The following HS3ST4 variants were observed in gnomAD, a reference collection of about 807,000 sequenced individuals.
HS3ST4 encodes the protein heparan sulfate-glucosamine 3-sulfotransferase 4.
In HS3ST4, 17 loss-of-function variants were observed where a neutral mutation model predicts 29.2. That is an observed-to-expected ratio of 0.58 (90% CI 0.40 to 0.87). The LOEUF (loss-of-function observed/expected upper bound fraction) is 0.87, where lower values mean the gene tolerates loss of function less well. Ranked by LOEUF, HS3ST4 falls within the 40% of genes least tolerant of loss-of-function variation. HS3ST4 has a pLI of 0.00. For missense variants in HS3ST4, 627 were observed against 634.5 expected (o/e 0.99, Z 0.13); for synonymous variants, 314 against 285.7 (o/e 1.10, Z -1.00).
At chr16:25,933,266 T>C (rs1021345691) in intron 1 of HS3ST4, 13 of 449,894 alleles carry the variant, frequency 2.9e-5, no homozygotes, top group East Asian at 1.3e-4. Flanking sequence ...ACAGCCATTA[T>C]TGATTGGCTG....
intron 1 of HS3ST4, among the ~76,000 whole-genome samples, chr16:25,799,405 A>G (rs983864617): frequency 3.9e-5 from 6 of 152,228 alleles, no homozygotes; most frequent in Non-Finnish European, 8.8e-5. Context: ...CAAGTAATAT[A>G]TAATCTTCAG....
intron 1 of HS3ST4, among the ~76,000 whole-genome samples, chr16:25,698,352 G>A (rs1966313323): frequency 6.7e-6 from 1 of 148,292 alleles, no homozygotes; most frequent in Admixed American, 6.7e-5. Context: ...CCACTTGGAG[G>A]GAACAGCCAG....
At chr16:25,857,902 TCCTTCCTTCCTTCC>T (rs1967592160) in intron 1 of HS3ST4, among the ~76,000 whole-genome samples, 1 of 75,348 alleles carries the variant, frequency 1.3e-5, no homozygotes, top group Non-Finnish European at 2.8e-5. Flanking sequence ...TTTTCTTTCT[TCCTTCCTTCCTTCC>T]TTCCTTTCTT....
At position 25,820,010 on chromosome 16, in the gene HS3ST4, C is replaced by CAAAAAAAAA. The variant is rs142336784; in HGVS notation, c.734+126890_734+126898dup. On this transcript the variant is annotated intron_variant, in intron 1 of 1. Coordinates refer to ENST00000331351, the MANE Select transcript of HS3ST4 (RefSeq NM_006040.3). ...TGGGTGACAGAGTGATACTCTGTCT[C>CAAAAAAAAA]AAAAAAAAAAAAAAAAAAAAAAAAA... is the stretch of plus-strand genomic sequence containing the variant. Among the ~76,000 whole-genome samples, 31 of 46,928 alleles carry CAAAAAAAAA rather than the reference C, an allele frequency of 6.6e-4. 1 individual carries two copies. The highest frequency in any genetic ancestry group is 1.0e-3 in the South Asian group (1 of 962). The allele number at this position is 46,928 out of a possible 152,430, so 30.8% of individuals were successfully genotyped here. A position where few individuals can be genotyped will look rare whatever the true frequency, so the allele number is the denominator to read the frequency against.
At chr16:25,892,474 G>C (rs1396787085) in intron 1 of HS3ST4, among the ~76,000 whole-genome samples, 1 of 152,218 alleles carries the variant, frequency 6.6e-6, no homozygotes, top group Admixed American at 6.5e-5. Context: ...AGTGACAGAG[G>C]ACAGCAGCCT....
chr16:25,714,684 G>T (rs908416025), intron 1 of HS3ST4, among the ~76,000 whole-genome samples: 7 of 152,182 alleles, frequency 4.6e-5, no homozygotes, highest in Admixed American at 4.6e-4. Flanking sequence ...TGTTTTGTTT[G>T]CTTTGTTTTC....
chr16:26,110,256 A>G (rs998357809), intron 1 of HS3ST4, among the ~76,000 whole-genome samples: 6 of 152,168 alleles, frequency 3.9e-5, no homozygotes, highest in Admixed American at 2.6e-4. Flanking sequence ...TAATATTCCT[A>G]TATCTGTATA....
At chr16:26,077,871 G>A (rs987949904) in intron 1 of HS3ST4, among the ~76,000 whole-genome samples, 2 of 152,204 alleles carry the variant, frequency 1.3e-5, no homozygotes, top group Non-Finnish European at 2.9e-5. Context: ...AGGAGTTTGA[G>A]ACCAGCCTGG....
chr16:25,956,236 C>T (rs1300958743), intron 1 of HS3ST4, among the ~76,000 whole-genome samples: 2 of 152,212 alleles, frequency 1.3e-5, no homozygotes, highest in African/African-American at 4.8e-5. Flanking sequence ...TTTTCAAATG[C>T]CTCCATGATT....
At chr16:26,092,451 G>A (rs576889176) in intron 1 of HS3ST4, among the ~76,000 whole-genome samples, 1 of 152,292 alleles carries the variant, frequency 6.6e-6, no homozygotes, top group South Asian at 2.1e-4. Context: ...GATCTGGCAG[G>A]TGAGAGGCTC....
chr16:26,023,757 T>C (rs1596647853), intron 1 of HS3ST4, among the ~76,000 whole-genome samples: 1 of 152,242 alleles, frequency 6.6e-6, no homozygotes. Context: ...TTATCTCTGA[T>C]TTTCTGGTTG....
intron 1 of HS3ST4, among the ~76,000 whole-genome samples, chr16:25,962,256 G>A (rs1363812723): frequency 6.6e-6 from 1 of 151,990 alleles, no homozygotes; most frequent in Non-Finnish European, 1.5e-5. Context: ...TTTAACTGTT[G>A]GAACTGATAC....
At chr16:25,984,988 T>A (rs1969048092) in intron 1 of HS3ST4, among the ~76,000 whole-genome samples, 2 of 152,204 alleles carry the variant, frequency 1.3e-5, no homozygotes, top group Admixed American at 1.3e-4. Context: ...GGCTTGGTGG[T>A]CTTAGCACCA....
intron 1 of HS3ST4, among the ~76,000 whole-genome samples, chr16:26,032,179 TGGAAAG>T (rs1166842207): frequency 6.6e-6 from 1 of 152,076 alleles, no homozygotes; most frequent in African/African-American, 2.4e-5. Flanking sequence ...TGCTGAAAGA[TGGAAAG>T]GGAGAAGAGG....
chr16:25,898,902 T>C (rs1968095950), intron 1 of HS3ST4, among the ~76,000 whole-genome samples: 1 of 152,218 alleles, frequency 6.6e-6, no homozygotes, highest in African/African-American at 2.4e-5. Context: ...TCAATGCTCT[T>C]TAGTGCTGTT....
In HS3ST4 at chr16:25,878,252, T is replaced by A. The variant is rs185210826; in HGVS notation, c.734+185101T>A. The stretch of plus-strand genomic sequence containing the variant: ...AGCCTATTGCCTGGTTCAAAGAAGT[T>A]ACTGTTTTTTATAGCTTCTTAAGAT... On this transcript the variant is annotated intron_variant, in intron 1 of 1. Transcript: ENST00000331351. Among the ~76,000 whole-genome samples, 10 of 152,290 alleles carry A rather than the reference T, an allele frequency of 6.6e-5. No homozygotes were observed. In the East Asian group the frequency reaches 1.9e-3, roughly 29 times the overall value.
At chr16:25,784,049 CATT>C (rs1966855068) in intron 1 of HS3ST4, among the ~76,000 whole-genome samples, 1 of 152,132 alleles carries the variant, frequency 6.6e-6, no homozygotes, top group Non-Finnish European at 1.5e-5. Context: ...GAAACTTTTT[CATT>C]ATTCTTATAT....
At chr16:25,894,855 A>G (rs1968044025) in intron 1 of HS3ST4, among the ~76,000 whole-genome samples, 1 of 152,112 alleles carries the variant, frequency 6.6e-6, no homozygotes, top group Non-Finnish European at 1.5e-5. Flanking sequence ...TCCTTCTCAT[A>G]TCATTCCATA....
chr16:26,124,739 T>C (rs1212512826), intron 1 of HS3ST4, among the ~76,000 whole-genome samples: 2 of 152,212 alleles, frequency 1.3e-5, no homozygotes, highest in African/African-American at 4.8e-5. Flanking sequence ...GGGCCTTCTA[T>C]TATGTGTGAA....
Sources: allele counts gnomAD v4.1 joint callset (sites outside exome capture counted in the v4.1 genomes callset), GRCh38; gene constraint gnomAD v4.1.1; transcripts MANE v1.5; gene names NCBI Gene and HGNC (gene_info 2026-07-23, HGNC 2026-07-21).